ZCWPW2: variants seen among roughly 807,000 people sequenced by gnomAD.
ZCWPW2 encodes zinc finger CW-type PWWP domain protein 2.
Under a neutral mutation model 46.6 loss-of-function variants are expected in ZCWPW2, and 45 were observed. The observed-to-expected ratio is 0.96, with a 90% CI of 0.76 to 1.24. The LOEUF (loss-of-function observed/expected upper bound fraction) is 1.24, where lower values mean the gene tolerates loss of function less well. Ranked by LOEUF, ZCWPW2 falls within the 50% of genes most tolerant of loss-of-function variation. ZCWPW2 has a pLI of 0.00. For missense variants in ZCWPW2, 429 were observed against 403.9 expected (o/e 1.06, Z -0.53); for synonymous variants, 152 against 137.1 (o/e 1.11, Z -0.76).
rs1037645311 is a variant in ZCWPW2, at chr3:28,373,463, G to T, written c.-133-17035G>T. On this transcript the variant is annotated intron_variant, in intron 1 of 9. Coordinates refer to ENST00000383768, the MANE Select transcript of ZCWPW2 (RefSeq NM_001040432.4). ...GGCCATTTGTATGTTGTTTTTTTTT[G>T]TTTGTTTGTTTGTTTGTTTTTTGAG... Among the ~76,000 whole-genome samples, 184 of 149,726 alleles carry T rather than the reference G, an allele frequency of 1.2e-3. 1 individual carries two copies. Among genetic ancestry groups the T allele is most frequent in the Middle Eastern group, 7.1e-3 (2 of 282 alleles).
intron 5 of ZCWPW2, among the ~76,000 whole-genome samples, chr3:28,479,247 G>A (rs1278910600): frequency 6.6e-6 from 1 of 151,936 alleles, no homozygotes; most frequent in Non-Finnish European, 1.5e-5. Flanking sequence ...ATTTCACAAT[G>A]GGAACCATAG....
At chr3:28,402,298 C>A (rs2125729479) in intron 2 of ZCWPW2, among the ~76,000 whole-genome samples, 1 of 152,172 alleles carries the variant, frequency 6.6e-6, no homozygotes, top group African/African-American at 2.4e-5. Context: ...CTATGAACAC[C>A]TTTACACACA....
intron 6 of ZCWPW2, among the ~76,000 whole-genome samples, chr3:28,506,796 T>G (rs938177465): frequency 1.3e-5 from 2 of 152,114 alleles, no homozygotes; most frequent in African/African-American, 4.8e-5. Context: ...TATACCAGAA[T>G]GCTAAGTTCC....
intron 2 of ZCWPW2, among the ~76,000 whole-genome samples, chr3:28,397,463 A>T (rs1031248521): frequency 6.6e-6 from 1 of 152,220 alleles, no homozygotes; most frequent in African/African-American, 2.4e-5. Context: ...TGAGGTCAGG[A>T]GTTTGAGACC....
At chr3:28,491,847 T>G (rs1478285937) in intron 5 of ZCWPW2, among the ~76,000 whole-genome samples, 1 of 152,064 alleles carries the variant, frequency 6.6e-6, no homozygotes, top group African/African-American at 2.4e-5. Context: ...AGAAATAAGA[T>G]ATACTAGACA....
chr3:28,443,091 G>C (rs1697834538), intron 4 of ZCWPW2, among the ~76,000 whole-genome samples: 2 of 152,080 alleles, frequency 1.3e-5, no homozygotes. Context: ...GGACCCACTG[G>C]ACCCACTGTA....
intron 1 of ZCWPW2, among the ~76,000 whole-genome samples, chr3:28,383,050 G>A (rs1307401014): frequency 6.6e-6 from 1 of 152,132 alleles, no homozygotes; most frequent in South Asian, 2.1e-4. Flanking sequence ...AATCAGGGCA[G>A]ACTTAGCTTT....
intron 4 of ZCWPW2, among the ~76,000 whole-genome samples, chr3:28,465,617 G>T (rs1031309490): frequency 6.6e-6 from 1 of 152,124 alleles, no homozygotes; most frequent in African/African-American, 2.4e-5. Context: ...CTACTATTAT[G>T]TAATATTATT....
intron 5 of ZCWPW2, among the ~76,000 whole-genome samples, chr3:28,483,376 T>C (rs1699494848): frequency 6.6e-6 from 1 of 152,188 alleles, no homozygotes; most frequent in Admixed American, 6.5e-5. Flanking sequence ...CCACACTGTA[T>C]TGATTACTGC....
chr3:28,384,117 G>C (rs1355412189), intron 1 of ZCWPW2, among the ~76,000 whole-genome samples: 1 of 151,962 alleles, frequency 6.6e-6, no homozygotes. Context: ...ATTTCTGCTG[G>C]TATTAATAGT....
chr3:28,517,230 C>G (rs1181145613), intron 8 of ZCWPW2, among the ~76,000 whole-genome samples: 1 of 152,080 alleles, frequency 6.6e-6, no homozygotes, highest in Non-Finnish European at 1.5e-5. Context: ...GGTAACCCAA[C>G]CAGTAGCTAC....
chr3:28,454,706 G>C (rs1323387614), intron 4 of ZCWPW2, among the ~76,000 whole-genome samples: 1 of 152,048 alleles, frequency 6.6e-6, no homozygotes, highest in African/African-American at 2.4e-5. Context: ...GTCTCATGTA[G>C]CTCCCACTTA....
intron 5 of ZCWPW2, among the ~76,000 whole-genome samples, chr3:28,485,745 T>C (rs1053709912): frequency 1.3e-5 from 2 of 152,188 alleles, no homozygotes; most frequent in African/African-American, 4.8e-5. Context: ...ATATATTTTT[T>C]CTTTTAATTC....
At position 28,367,148 on chromosome 3, in the gene ZCWPW2, G is replaced by A. The variant is rs181443898; in HGVS notation, c.-134+17945G>A. ...GTTTTTTGTGTCTCTCTTTCCTTCA[G>A]TTCTGCTCTGATCTTAGTTATTTCT... On this transcript the variant is annotated intron_variant, in intron 1 of 9. Coordinates refer to ENST00000383768, the MANE Select transcript of ZCWPW2 (RefSeq NM_001040432.4). Among the ~76,000 whole-genome samples the A allele has an allele frequency of 2.5e-3, 387 of 152,148 alleles. 1 individual carries two copies. Among genetic ancestry groups the A allele is most frequent in the African/African-American group, 8.4e-3 (350 of 41,508 alleles).
At chr3:28,469,020 C>T (rs566962535) in intron 4 of ZCWPW2, among the ~76,000 whole-genome samples, 1 of 152,056 alleles carries the variant, frequency 6.6e-6, no homozygotes, top group South Asian at 2.1e-4. Flanking sequence ...CTTTTCAAGA[C>T]ATAGAGAGTA....
intron 1 of ZCWPW2, among the ~76,000 whole-genome samples, chr3:28,357,834 T>C (rs1043127387): frequency 1.3e-5 from 2 of 148,554 alleles, no homozygotes; most frequent in Non-Finnish European, 3.0e-5. Context: ...CATACATATA[T>C]ATCTGTGCAT....
chr3:28,507,627 A>G (rs368746979), intron 6 of ZCWPW2, among the ~76,000 whole-genome samples: 1 of 152,062 alleles, frequency 6.6e-6, no homozygotes, highest in South Asian at 2.1e-4. Flanking sequence ...TTGTCAGTGA[A>G]TGTGGTCTAT....
At chr3:28,402,504 C>T (rs1212400641) in intron 2 of ZCWPW2, among the ~76,000 whole-genome samples, 1 of 152,122 alleles carries the variant, frequency 6.6e-6, no homozygotes, top group Non-Finnish European at 1.5e-5. Context: ...ATCCTACTGA[C>T]ACTATTTCAC....
intron 3 of ZCWPW2, among the ~76,000 whole-genome samples, chr3:28,433,755 TAA>T (rs573649203): frequency 2.2e-5 from 3 of 133,492 alleles, no homozygotes; most frequent in African/African-American, 5.4e-5. Context: ...GACTCCCTCT[TAA>T]AAAAAAAAAA....
Sources: gnomAD v4.1 joint callset for allele counts (sites outside exome capture counted in the v4.1 genomes callset) on GRCh38, gnomAD v4.1.1 for gene constraint, MANE v1.5 for transcripts, NCBI Gene and HGNC (gene_info 2026-07-23, HGNC 2026-07-21) for gene names.